PHF10: variants seen among roughly 807,000 people sequenced by gnomAD.
PHF10 encodes the protein BRG1-associated factor 45a.
PHF10 carries 51 observed loss-of-function variants against 68.5 expected under a neutral mutation model. The observed-to-expected ratio is 0.74, with a 90% CI of 0.59 to 0.94. The LOEUF is 0.94. Among genes scored for constraint, PHF10 ranks in the 40% least tolerant of loss-of-function variants. PHF10 has a pLI of 0.00. For missense variants in PHF10, 460 were observed against 602.6 expected (o/e 0.76, Z 2.48); for synonymous variants, 204 against 203.5 (o/e 1.00, Z -0.02).
intron 7 of PHF10, among the ~76,000 whole-genome samples, chr6:169,714,137 T>C (rs1788990625): frequency 1.3e-5 from 2 of 151,048 alleles, no homozygotes; most frequent in African/African-American, 2.4e-5. Context: ...AAAAAGAATC[T>C]GTTAGCCCTG....
rs1788897453 is a variant in PHF10 at position 169,710,295 on chromosome 6, T to C, written c.1054A>G (p.Thr352Ala). ...CGTTTGGGACCATCTTTTCTTGGAG[T>C]GGCAGCTTTGTCTTTTGATTTCTGT... ...GRQKSKDKAA[T>A]PRKDGPKRSV... The change falls in exon 9 of 12, where the codon ACT (threonine) becomes GCT (alanine). Residue 352 changes from threonine (T) to alanine (A), a missense_variant. Around this residue, in one of 3 missense-constraint regions of PHF10, gnomAD observed 256 missense variants for 410.5 expected, o/e 0.62. Coordinates refer to ENST00000339209, the MANE Select transcript of PHF10 (RefSeq NM_018288.4). 6.2e-7 allele frequency: 1 copy of C among 1,612,998 alleles called. No individual in the cohort carries two copies. Among genetic ancestry groups the C allele is most frequent in the South Asian group, 1.1e-5 (1 of 91,036 alleles).
chr6:169,716,515 CA>C (rs1239042172), intron 4 of PHF10, among the ~76,000 whole-genome samples: 1 of 151,636 alleles, frequency 6.6e-6, no homozygotes, highest in Non-Finnish European at 1.5e-5. Flanking sequence ...AAAATTTCAC[CA>C]AAAACATCAG....
At chr6:169,709,764 C>G (rs1788885482) in intron 9 of PHF10, 1 of 152,096 alleles carries the variant, frequency 6.6e-6, no homozygotes, top group Non-Finnish European at 1.5e-5. Context: ...ATCAAATAAT[C>G]CTTAGATTAA....
chr6:169,719,081 T>C (rs533307748), intron 2 of PHF10, 163 bp from the exon 3 acceptor site: 15 of 527,178 alleles, frequency 2.8e-5, no homozygotes, highest in African/African-American at 1.5e-4. Context: ...GTACAAGGAA[T>C]AGAAATAATT....
intron 1 of PHF10, among the ~76,000 whole-genome samples, chr6:169,723,256 A>G (rs2128331934): frequency 6.6e-6 from 1 of 152,292 alleles, no homozygotes; most frequent in South Asian, 2.1e-4. Flanking sequence ...AAACGTTTTG[A>G]TGCGTGACAC....
chr6:169,722,024 A>T (rs1163610568), intron 1 of PHF10, among the ~76,000 whole-genome samples: 1 of 152,206 alleles, frequency 6.6e-6, no homozygotes, highest in Non-Finnish European at 1.5e-5. Flanking sequence ...TGAGTAGGTT[A>T]TTCTCTGTGA....
In PHF10 at chr6:169,723,998, TGCCGCCGCC is replaced by T. The variant is rs1161850118; in HGVS notation, c.-76_-68del. The T allele has an allele frequency of 5.0e-4, 162 of 326,124 alleles. 1 individual carries two copies. The highest frequency in any genetic ancestry group is 1.9e-3 in the Admixed American group (26 of 13,504). The allele number at this position is 326,124 out of a possible 1,614,324, so 20.2% of individuals were successfully genotyped here. On this transcript the variant is annotated 5_prime_UTR_variant, in exon 1 of 12. Coordinates refer to ENST00000339209, the MANE Select transcript of PHF10 (RefSeq NM_018288.4). ...GCCTTGTCCCGGCCGCCGCCGCCGC[TGCCGCCGCC>T]GCCGCCGCCGCCGCCGCGCGGGCCC...
chr6:169,719,614 T>C (rs544372069), intron 2 of PHF10, among the ~76,000 whole-genome samples: 6 of 152,300 alleles, frequency 3.9e-5, no homozygotes, highest in South Asian at 4.1e-4. Flanking sequence ...TTCTCAAAAA[T>C]GGTGCTGGGA....
intron 2 of PHF10, among the ~76,000 whole-genome samples, chr6:169,720,476 G>GA (rs1272725292): frequency 7.2e-5 from 11 of 151,980 alleles, no homozygotes; most frequent in Non-Finnish European, 1.2e-4. Flanking sequence ...CTTAAAAACA[G>GA]AAAAAAAGTC....
chr6:169,713,636 A>G (rs1335997610), intron 7 of PHF10, among the ~76,000 whole-genome samples: 1 of 152,146 alleles, frequency 6.6e-6, no homozygotes, highest in East Asian at 1.9e-4. Context: ...AAACTTTTAA[A>G]AAATTGCTGC....
At position 169,723,983 on chromosome 6, in the gene PHF10, G is replaced by GGCCGCC. The variant is rs1206663921; in HGVS notation, c.-58_-53dup. The GGCCGCC allele has an allele frequency of 2.6e-5, 13 of 507,278 alleles. No homozygotes were observed. The highest frequency in any genetic ancestry group is 6.8e-5 in the Admixed American group (1 of 14,650). The allele number at this position is 507,278 out of a possible 1,614,324, so 31.4% of individuals were successfully genotyped here. A position where few individuals can be genotyped will look rare whatever the true frequency, so the allele number is the denominator to read the frequency against. On this transcript the variant is annotated 5_prime_UTR_variant, in exon 1 of 12. Transcript: ENST00000339209. Reference sequence around the variant, plus strand: ...GCCGCCGTCGCCTCCGCCTTGTCCCGGCCGCCGCCGCCGCTGCCGCCGCCG... The same window carrying GGCCGCC: ...GCCGCCGTCGCCTCCGCCTTGTCCCGGCCGCCGCCGCCGCCGCCGCTGCCGCCGCCG...
In PHF10 at chr6:169,706,723, TACATAC is replaced by T. The variant is rs1245672656; in HGVS notation, c.1114-1005_1114-1000del. Among the ~76,000 whole-genome samples the T allele has an allele frequency of 7.8e-3, 565 of 72,470 alleles. 2 individuals are homozygous for T. Among genetic ancestry groups the T allele is most frequent in the African/African-American group, 0.02 (478 of 23,890 alleles). 47.5% of individuals were successfully genotyped at this position (72,470 alleles called of 152,430 possible). ...AATGGGGTAAGGGGACATACATACA[TACATAC>T]ACACACACACACACACACACACACA... is the stretch of plus-strand genomic sequence containing the variant. On this transcript the variant is annotated intron_variant, in intron 9 of 11. Coordinates refer to ENST00000339209, the MANE Select transcript of PHF10 (RefSeq NM_018288.4).
intron 8 of PHF10, among the ~76,000 whole-genome samples, chr6:169,711,655 T>C (rs1788928690): frequency 6.6e-6 from 1 of 152,242 alleles, no homozygotes; most frequent in Non-Finnish European, 1.5e-5. Context: ...ACTTTAATAC[T>C]TGAACAGTAT....
At chr6:169,718,467 C>T (rs191705776) in intron 3 of PHF10, among the ~76,000 whole-genome samples, 441 of 152,078 alleles carry the variant, frequency 2.9e-3, no homozygotes, top group African/African-American at 9.8e-3. Context: ...TTTGAGACCA[C>T]GCTGGGCAAC....
In PHF10 at chr6:169,705,171, T is replaced by C. The variant is rs1330585536; in HGVS notation, c.1373A>G (p.Tyr458Cys). 1.9e-6 allele frequency: 3 copies of C among 1,612,298 alleles called. No individual in the cohort carries two copies. The highest frequency in any genetic ancestry group is 2.5e-6 in the Non-Finnish European group (3 of 1,179,318). The change falls in exon 11 of 12, where the codon TAT (tyrosine) becomes TGT (cysteine). Residue 458 changes from tyrosine to cysteine, a missense_variant. By Grantham distance (194) the Tyr-to-Cys change is radical. This residue lies in a region of PHF10 where 111 missense variants were observed against 109.7 expected (regional missense o/e 1.01). Coordinates refer to ENST00000339209, the MANE Select transcript of PHF10 (RefSeq NM_018288.4). ...MMFCDMCDRG[Y>C]HTFCVGLGAI... ...ACCAAGGCCCACACAAAAAGTATGA[T>C]AACCTCTGTCACACATATCACAGAA...
At chr6:169,719,942 TATATAAA>T (rs745568456) in intron 2 of PHF10, among the ~76,000 whole-genome samples, 39 of 151,438 alleles carry the variant, frequency 2.6e-4, no homozygotes, top group Non-Finnish European at 4.0e-4. Context: ...GAAGTATTAA[TATATAAA>T]ATATATTTAA....
intron 1 of PHF10, among the ~76,000 whole-genome samples, chr6:169,721,882 C>G (rs1184213300): frequency 6.6e-6 from 1 of 152,112 alleles, no homozygotes; most frequent in East Asian, 1.9e-4. Context: ...TTGCTAAATA[C>G]TATAGTCCTC....
At chr6:169,714,091 A>G (rs1233687000) in intron 7 of PHF10, among the ~76,000 whole-genome samples, 2 of 151,858 alleles carry the variant, frequency 1.3e-5, no homozygotes. Context: ...ACCACACTCC[A>G]TCCTGGGTAC....
Position 169,723,908 on chromosome 6 carries a change from C to G in PHF10, c.24G>C (p.Gly8=). 5 of 1,059,750 alleles carry G rather than the reference C, an allele frequency of 4.7e-6. No individual in the cohort carries two copies. Among genetic ancestry groups the G allele is most frequent in the Non-Finnish European group, 5.7e-6 (5 of 875,134 alleles). 65.6% of individuals were successfully genotyped at this position (1,059,750 alleles called of 1,614,324 possible). Residue 8 remains glycine, a synonymous_variant, in exon 1 of 12, where the codon GGG becomes GGC. Transcript: ENST00000339209. MAAAAGP[G]AALSPRPCDS... ...CGCACGGCCGCGGGGACAGCGCAGC[C>G]CCGGGCCCGGCCGCCGCCGCCATCA...
Sources: gnomAD v4.1 joint callset for allele counts (sites outside exome capture counted in the v4.1 genomes callset) on GRCh38, gnomAD v4.1.1 for gene constraint, gnomAD v4.1.1 regional missense constraint, MANE v1.5 for transcripts, NCBI Gene and HGNC (gene_info 2026-07-23, HGNC 2026-07-21) for gene names.